The following KMT5B variants were observed in gnomAD, a reference collection of about 807,000 sequenced individuals.
KMT5B encodes the protein lysine methyltransferase 5B.
In KMT5B, 10 loss-of-function variants were observed where a neutral mutation model predicts 83.2. The ratio of observed to expected loss-of-function variants is 0.12; its 90% CI spans 0.07 to 0.20. The LOEUF is 0.20. KMT5B is among the 10% of genes least tolerant of loss of function. The pLI is 1.00. For synonymous variants in KMT5B, 349 were observed against 388.8 expected (o/e 0.90, Z 1.20); for missense variants, 753 against 1,067.2 (o/e 0.71, Z 4.10).
chr11:68,175,123 T>C lies in KMT5B; in HGVS notation c.438A>G (p.Lys146=), dbSNP rs765652123. Residue 146 remains lysine, a synonymous_variant, in exon 5 of 11, where the codon AAA becomes AAG. Transcript: ENST00000304363. ...ELKEVIERFK[K]DEHLEKAFKC... is the part of the protein sequence containing the mutation. ...TGAAGGCTTTCTCCAAGTGTTCATC[T>C]TTCTTAAAACGTTCAATTACTTCCT... The C allele has an allele frequency of 2.5e-6, 4 of 1,613,982 alleles. No homozygotes were observed. In the African/African-American group the frequency reaches 4.0e-5, roughly 16 times the overall value.
chr11:68,177,189 A>G (rs1006857507), intron 4 of KMT5B, among the ~76,000 whole-genome samples: 2 of 152,256 alleles, frequency 1.3e-5, no homozygotes, highest in African/African-American at 4.8e-5. Flanking sequence ...AAAGACATAT[A>G]TATGCATCAA....
chr11:68,181,898 T>C (rs934714427), intron 3 of KMT5B, among the ~76,000 whole-genome samples: 9 of 152,218 alleles, frequency 5.9e-5, no homozygotes, highest in Non-Finnish European at 1.2e-4. Context: ...GGCCGTCCCC[T>C]GCACTCCCAC....
At chr11:68,176,480 T>C (rs1856390361) in intron 4 of KMT5B, 1 of 152,202 alleles carries the variant, frequency 6.6e-6, no homozygotes, top group Admixed American at 6.5e-5. Context: ...TTTATTTTCA[T>C]AAAGCTAATT....
rs1240683436 is a variant in KMT5B at position 68,166,434 on chromosome 11, G to A, written c.1174+548C>T. ...TAGCCAATACAGCATGTCACAATAC[G>A]GCACTGTTCAAAATGCTCCTCTATC... On this transcript the variant is annotated intron_variant, in intron 10 of 10. Transcript: ENST00000304363. 12 of 1,007,378 alleles carry A rather than the reference G, an allele frequency of 1.2e-5. No homozygotes were observed. In the Middle Eastern group the frequency reaches 2.0e-3, roughly 171 times the overall value. 62.4% of individuals were successfully genotyped at this position (1,007,378 alleles called of 1,614,324 possible). A position where few individuals can be genotyped will look rare whatever the true frequency, so the allele number is the denominator to read the frequency against.
chr11:68,213,088 A>C (rs1323691803), intron 1 of KMT5B, 50 bp downstream of exon 1: 1 of 105,016 alleles, frequency 9.5e-6, no homozygotes, highest in African/African-American at 3.6e-5. Flanking sequence ...CCCGTCACCG[A>C]GGCCGCCCCC....
At chr11:68,210,447 T>C (rs1860755867) in intron 1 of KMT5B, among the ~76,000 whole-genome samples, 1 of 152,180 alleles carries the variant, frequency 6.6e-6, no homozygotes, top group South Asian at 2.1e-4. Flanking sequence ...GATGAAGCAT[T>C]AATACAATTT....
Position 68,167,109 on chromosome 11 carries a change from A to T in KMT5B, c.1047T>A (p.Tyr349Ter). Residue 349 changes from tyrosine to a stop codon, truncating the protein, a stop_gained, in exon 10 of 11, where the codon TAT becomes TAA. Transcript: ENST00000304363. LOFTEE classifies it high-confidence loss of function. ...AACGTTTATCTGTTTCTCTGAGTCC[A>T]TATTTGCTATTGATAACAGGAGCAG... Reference protein sequence around the residue: ...PAPAPVINSKYGLRETDKRLN... With the variant: ...PAPAPVINSK 6.2e-7 allele frequency: 1 copy of T among 1,614,070 alleles called. No homozygotes were observed. The highest frequency in any genetic ancestry group is 8.5e-7 in the Non-Finnish European group (1 of 1,180,002).
chr11:68,202,827 G>C (rs941403020), intron 1 of KMT5B, among the ~76,000 whole-genome samples: 1 of 152,008 alleles, frequency 6.6e-6, no homozygotes, highest in Non-Finnish European at 1.5e-5. Flanking sequence ...GATTACAGGC[G>C]TAAGCCACTG....
intron 1 of KMT5B, among the ~76,000 whole-genome samples, chr11:68,201,896 A>G (rs1859482173): frequency 6.7e-6 from 1 of 150,038 alleles, no homozygotes; most frequent in Admixed American, 6.7e-5. Flanking sequence ...CCTGGGCAAC[A>G]TGGTCAGACC....
At chr11:68,206,051 C>T (rs952107064) in intron 1 of KMT5B, among the ~76,000 whole-genome samples, 3 of 152,172 alleles carry the variant, frequency 2.0e-5, no homozygotes, top group Non-Finnish European at 4.4e-5. Context: ...GTATTTACGA[C>T]GAGGGATGTC....
rs201416787 is a variant in KMT5B at position 68,188,207 on chromosome 11, G to A, written c.160+1710C>T. Among the ~76,000 whole-genome samples the A allele has an allele frequency of 6.6e-5, 10 of 151,598 alleles. No individual in the cohort carries two copies. In the East Asian group the frequency reaches 1.7e-3, roughly 26 times the overall value. On this transcript the variant is annotated intron_variant, in intron 2 of 10. Coordinates refer to ENST00000304363, the MANE Select transcript of KMT5B (RefSeq NM_017635.5). ...GCCCAGCTGATTTTTTGTATTTTTA[G>A]TAGAGGCGGGGTTTGACCGTATTAG...
chr11:68,201,110 T>G (rs1859384722), intron 1 of KMT5B, among the ~76,000 whole-genome samples: 1 of 152,114 alleles, frequency 6.6e-6, no homozygotes, highest in Admixed American at 6.6e-5. Context: ...TCAAGAATGA[T>G]TTCCAGTTGT....
chr11:68,166,618 A>G, intron 10 of KMT5B: 5 of 1,038,786 alleles, frequency 4.8e-6, no homozygotes, highest in Non-Finnish European at 5.8e-6. Context: ...TGGAATGTAT[A>G]GAGTCTAATT....
intron 1 of KMT5B, among the ~76,000 whole-genome samples, chr11:68,197,351 T>G (rs74624970): frequency 0.069 from 10,434 of 152,178 alleles, 474 homozygotes; most frequent in African/African-American, 0.12. Flanking sequence ...CAGCAATCTG[T>G]GTTGTAGTAA....
chr11:68,170,966 GGTT>G (rs746079616), intron 9 of KMT5B, 46 bp downstream of exon 9: 129 of 1,539,770 alleles, frequency 8.4e-5, no homozygotes, highest in South Asian at 3.2e-4. Flanking sequence ...CCCATAATCA[GGTT>G]GTTAACAAAA....
chr11:68,198,485 GACAA>G (rs1859010546), intron 1 of KMT5B, among the ~76,000 whole-genome samples: 2 of 127,440 alleles, frequency 1.6e-5, no homozygotes, highest in Non-Finnish European at 3.3e-5. Context: ...GACAAGACAA[GACAA>G]GACAAGACAG....
chr11:68,165,339 A>G (rs895310138), intron 10 of KMT5B, among the ~76,000 whole-genome samples: 1 of 152,180 alleles, frequency 6.6e-6, no homozygotes, highest in African/African-American at 2.4e-5. Context: ...CCCCGTCTCT[A>G]CTAAAAATAC....
intron 10 of KMT5B, among the ~76,000 whole-genome samples, chr11:68,162,485 G>A (rs1466226309): frequency 6.6e-6 from 1 of 152,140 alleles, no homozygotes; most frequent in Admixed American, 6.5e-5. Context: ...ACCTCCCTGA[G>A]GGAGCCTCTC....
chr11:68,212,947 G>A (rs1178088786), intron 1 of KMT5B, among the ~76,000 whole-genome samples, 191 bp downstream of exon 1: 7 of 139,668 alleles, frequency 5.0e-5, no homozygotes, highest in African/African-American at 1.3e-4. Context: ...GCCCCGCGCC[G>A]GCCCCGCACC....
Sources: allele counts gnomAD v4.1 joint callset (sites outside exome capture counted in the v4.1 genomes callset), GRCh38; gene constraint gnomAD v4.1.1; transcripts MANE v1.5; gene names NCBI Gene and HGNC (gene_info 2026-07-23, HGNC 2026-07-21).